SMARCB1: variants seen among roughly 807,000 people sequenced by gnomAD.
The protein encoded by SMARCB1 is SWI/SNF related BAF chromatin remodeling complex subunit B1.
Under a neutral mutation model 49.0 loss-of-function variants are expected in SMARCB1, and 5 were observed. The ratio of observed to expected loss-of-function variants is 0.10; its 90% CI spans 0.05 to 0.21. The LOEUF (loss-of-function observed/expected upper bound fraction) is 0.21, where lower values mean the gene tolerates loss of function less well. SMARCB1 is among the 10% of genes least tolerant of loss of function. The probability of loss-of-function intolerance (pLI) is 1.00; values close to 1 mark genes in which losing one functional copy is unlikely to be tolerated. For synonymous variants in SMARCB1, 201 were observed against 200.1 expected (o/e 1.00, Z -0.04); for missense variants, 226 against 509.2 (o/e 0.44, Z 5.35).
chr22:23,816,993 C>T, intron 6 of SMARCB1, 57 bp downstream of exon 6: 1 of 1,432,194 alleles, frequency 7.0e-7, no homozygotes, highest in Non-Finnish European at 9.8e-7. Context: ...TGGGTGTCAT[C>T]ATGGAGCACT....
chr22:23,832,147 G>A (rs2030688715), intron 7 of SMARCB1, among the ~76,000 whole-genome samples: 1 of 152,176 alleles, frequency 6.6e-6, no homozygotes, highest in South Asian at 2.1e-4. Context: ...AGCTGGGTGT[G>A]TGCTCACTGG....
rs2030952874 is a variant in SMARCB1 at position 23,835,259 on chromosome 22, T to C, written c.*1079T>C. 1 of 1,116,022 alleles carries C rather than the reference T, an allele frequency of 9.0e-7. No homozygotes were observed. Among genetic ancestry groups the C allele is most frequent in the Non-Finnish European group, 1.1e-6 (1 of 914,182 alleles). 69.1% of individuals were successfully genotyped at this position (1,116,022 alleles called of 1,614,324 possible). ...AGGGAGGTGTCCCCATTCTTCAGAATGGACACAGGATCTGGGAGGGCAGCA... is the reference window on the plus strand; with the variant it reads ...AGGGAGGTGTCCCCATTCTTCAGAACGGACACAGGATCTGGGAGGGCAGCA... On this transcript the variant is annotated 3_prime_UTR_variant, in exon 9 of 9. Coordinates refer to ENST00000644036, the MANE Select transcript of SMARCB1 (RefSeq NM_003073.5).
chr22:23,837,755 A>T lies in SMARCB1; in HGVS notation c.*3575A>T. The T allele has an allele frequency of 6.2e-7, 1 of 1,614,054 alleles. No homozygotes were observed. Among genetic ancestry groups the T allele is most frequent in the Non-Finnish European group, 8.5e-7 (1 of 1,180,018 alleles). ...GCCTGGAAAGTGAGCAGGCCGAAGA[A>T]GTTGACCCTCACCCGAGGGCTGCGG... On this transcript the variant is annotated 3_prime_UTR_variant, in exon 9 of 9. Transcript: ENST00000644036.
intron 5 of SMARCB1, chr22:23,814,900 G>C (rs755099532): frequency 6.6e-6 from 1 of 151,436 alleles, no homozygotes; most frequent in Non-Finnish European, 1.5e-5. Context: ...AACCCAGGAG[G>C]CCGAGGTTGC....
Position 23,837,262 on chromosome 22 carries a change from A to G in SMARCB1, c.*3082A>G. ...ACAGCCTGGTGGCCCTGCAGGCCCC[A>G]CAGCATGAGTGCCCCAAAGCCTTGC... On this transcript the variant is annotated 3_prime_UTR_variant, in exon 9 of 9. Coordinates refer to ENST00000644036, the MANE Select transcript of SMARCB1 (RefSeq NM_003073.5). The G allele has an allele frequency of 7.3e-7, 1 of 1,373,080 alleles. No homozygotes were observed. The highest frequency in any genetic ancestry group is 1.5e-5 in the African/African-American group (1 of 68,474). The allele number at this position is 1,373,080 out of a possible 1,614,324, so 85.1% of individuals were successfully genotyped here.
At chr22:23,789,881 G>A (rs1391784319) in intron 1 of SMARCB1, among the ~76,000 whole-genome samples, 2 of 152,228 alleles carry the variant, frequency 1.3e-5, no homozygotes, top group Non-Finnish European at 2.9e-5. Flanking sequence ...GCCAGCCATA[G>A]CAACATACCC....
chr22:23,798,982 A>G (rs1009054607), intron 3 of SMARCB1, among the ~76,000 whole-genome samples: 27 of 151,616 alleles, frequency 1.8e-4, no homozygotes, highest in Non-Finnish European at 2.2e-4. Flanking sequence ...CCCGGGAGGC[A>G]GACCTTGCAT....
At chr22:23,833,428 T>G in intron 7 of SMARCB1, 144 bp from the exon 8 acceptor site, 1 of 1,173,118 alleles carries the variant, frequency 8.5e-7, no homozygotes, top group Non-Finnish European at 1.3e-6. Context: ...AGCAGCTCCC[T>G]TGAGGTTCAG....
rs1270546897 is a variant in SMARCB1, at chr22:23,816,915, A to G, written c.774A>G (p.Ser258=). Residue 258 remains serine, a synonymous_variant, in exon 6 of 9, where the codon TCA becomes TCG. Transcript: ENST00000644036. ...YPTDSILEDQ[S]DQRVIIKLNI... ...CGGACAGCATCCTGGAGGACCAGTC[A>G]GACCAGCGCGTCATCATCAAGGTAG... is the stretch of plus-strand genomic sequence containing the variant. The G allele has an allele frequency of 1.2e-6, 2 of 1,613,980 alleles. No homozygotes were observed. The highest frequency in any genetic ancestry group is 1.7e-6 in the Non-Finnish European group (2 of 1,180,018).
chr22:23,834,655 A>G lies in SMARCB1; in HGVS notation c.*475A>G, dbSNP rs2146048266. On this transcript the variant is annotated 3_prime_UTR_variant, in exon 9 of 9. Transcript: ENST00000644036. Reference sequence around the variant, plus strand: ...CACCCTCCTCTGCCTCAGATTCCCAAGTGGGCAGGTGGGGGTGAATGGGGC... The same window carrying G: ...CACCCTCCTCTGCCTCAGATTCCCAGGTGGGCAGGTGGGGGTGAATGGGGC... 1.1e-6 allele frequency: 1 copy of G among 946,298 alleles called. No individual in the cohort carries two copies. Among genetic ancestry groups the G allele is most frequent in the Admixed American group, 2.3e-5 (1 of 43,170 alleles). 58.6% of individuals were successfully genotyped at this position (946,298 alleles called of 1,614,324 possible).
chr22:23,825,533 G>C, intron 7 of SMARCB1, 118 bp downstream of exon 7: 1 of 894,820 alleles, frequency 1.1e-6, no homozygotes, highest in Non-Finnish European at 1.7e-6. Context: ...AGCACAATCT[G>C]GCTGGGGTCT....
intron 7 of SMARCB1, among the ~76,000 whole-genome samples, chr22:23,830,649 CTTTT>C (rs56800497): frequency 2.1e-4 from 20 of 95,408 alleles, no homozygotes; most frequent in Non-Finnish European, 3.2e-4. Flanking sequence ...TCCAATTTAT[CTTTT>C]TTTTTTTTTT....
At chr22:23,809,702 C>T (rs989509346) in intron 5 of SMARCB1, among the ~76,000 whole-genome samples, 1 of 151,696 alleles carries the variant, frequency 6.6e-6, no homozygotes, top group Admixed American at 6.6e-5. Flanking sequence ...TGAGCCACCG[C>T]GCCCAGCCGA....
In SMARCB1 at chr22:23,801,385, A is replaced by C. The variant is rs199946905; in HGVS notation, c.500+304A>C. The C allele has an allele frequency of 9.0e-5, 60 of 668,482 alleles. No homozygotes were observed. In the Middle Eastern group the frequency reaches 1.2e-3, roughly 14 times the overall value. The allele number at this position is 668,482 out of a possible 1,614,324, so 41.4% of individuals were successfully genotyped here. A position where few individuals can be genotyped will look rare whatever the true frequency, so the allele number is the denominator to read the frequency against. On this transcript the variant is annotated intron_variant, in intron 4 of 8. Coordinates refer to ENST00000644036, the MANE Select transcript of SMARCB1 (RefSeq NM_003073.5). ...GCCCTCAGTTTCACATGAGTGGGCC[A>C]CAGCCAGTCTGATGGTGCAGATGCC...
chr22:23,831,916 G>A (rs974356430), intron 7 of SMARCB1, among the ~76,000 whole-genome samples: 6 of 152,292 alleles, frequency 3.9e-5, no homozygotes, highest in East Asian at 1.9e-4. Context: ...TGGGGGTGCC[G>A]ACATTGCCTC....
intron 1 of SMARCB1, among the ~76,000 whole-genome samples, chr22:23,790,821 T>G (rs1229146282): frequency 6.6e-6 from 1 of 152,180 alleles, no homozygotes; most frequent in Non-Finnish European, 1.5e-5. Context: ...CAATCGAGCC[T>G]GGGTGACAGA....
chr22:23,787,582 C>G (rs1042971799), intron 1 of SMARCB1, among the ~76,000 whole-genome samples: 1 of 152,190 alleles, frequency 6.6e-6, no homozygotes, highest in Non-Finnish European at 1.5e-5. Flanking sequence ...GAGTTAGCCC[C>G]TGCGACGCTT....
chr22:23,809,609 C>T (rs1325524430), intron 5 of SMARCB1, among the ~76,000 whole-genome samples: 1 of 151,570 alleles, frequency 6.6e-6, no homozygotes, highest in East Asian at 2.0e-4. Flanking sequence ...GACGGGGTTT[C>T]ACTGTGTTAG....
At chr22:23,822,326 A>G (rs2030137020) in intron 6 of SMARCB1, among the ~76,000 whole-genome samples, 1 of 152,002 alleles carries the variant, frequency 6.6e-6, no homozygotes, top group African/African-American at 2.4e-5. Context: ...CCGTCCAGAG[A>G]GTGCATGGGG....
Sources: gnomAD v4.1 joint callset for allele counts (sites outside exome capture counted in the v4.1 genomes callset) on GRCh38, gnomAD v4.1.1 for gene constraint, MANE v1.5 for transcripts, NCBI Gene and HGNC (gene_info 2026-07-23, HGNC 2026-07-21) for gene names.